The following SASH1 variants were observed in gnomAD, a reference collection of about 807,000 sequenced individuals.
SASH1 encodes the protein SAM and SH3 domain containing 1, also known as SAM and SH3 domain-containing protein 1.
SASH1 carries 44 observed loss-of-function variants against 125.2 expected under a neutral mutation model. The observed-to-expected ratio is 0.35, with a 90% CI of 0.28 to 0.45. SASH1 has a LOEUF of 0.45. Among genes scored for constraint, SASH1 ranks in the 20% least tolerant of loss-of-function variants. The probability of loss-of-function intolerance (pLI) is 1.00; values close to 1 mark genes in which losing one functional copy is unlikely to be tolerated. For synonymous variants in SASH1, 639 were observed against 649.1 expected (o/e 0.98, Z 0.24); for missense variants, 1,426 against 1,614.5 (o/e 0.88, Z 2.00).
chr6:148,514,138 C>T (rs191644578), intron 8 of SASH1, 186 bp from the exon 9 acceptor site: 19 of 1,367,636 alleles, frequency 1.4e-5, no homozygotes, highest in African/African-American at 3.0e-5. Flanking sequence ...CCTAATTCTA[C>T]GCCGATTTAG....
At chr6:148,448,161 C>T (rs1303145885) in intron 4 of SASH1, among the ~76,000 whole-genome samples, 7 of 142,086 alleles carry the variant, frequency 4.9e-5, no homozygotes, top group African/African-American at 1.9e-4. Context: ...TGCGTGCGTG[C>T]GTGCGTTGTC....
intron 1 of SASH1, among the ~76,000 whole-genome samples, chr6:148,357,234 G>C (rs1781981320): frequency 6.6e-6 from 1 of 152,108 alleles, no homozygotes; most frequent in African/African-American, 2.4e-5. Context: ...GGCATCCTTT[G>C]GCCATGTAAA....
In SASH1 at chr6:148,543,957, G is replaced by T. The variant is rs1782382722; in HGVS notation, c.2487G>T (p.Gln829His). The T allele has an allele frequency of 6.2e-7, 1 of 1,614,066 alleles. No individual in the cohort carries two copies. The highest frequency in any genetic ancestry group is 1.1e-5 in the South Asian group (1 of 91,076). ...GCTGTGAGACCCTGGAGGGCCCCCAGACTGTGGACACTTGGCCCCGATCCC... is the reference window on the plus strand; with the variant it reads ...GCTGTGAGACCCTGGAGGGCCCCCATACTGTGGACACTTGGCCCCGATCCC... Reference protein sequence around the residue: ...CRSCETLEGPQTVDTWPRSHS... With the variant: ...CRSCETLEGPHTVDTWPRSHS... Residue 829 changes from glutamine to histidine, a missense_variant, in exon 18 of 20, where the codon CAG (glutamine) becomes CAT (histidine). By Grantham distance (24) the Gln-to-His change is conservative (BLOSUM62 0). Transcript: ENST00000367467.
At chr6:148,360,544 C>T (rs1366960605) in intron 1 of SASH1, among the ~76,000 whole-genome samples, 1 of 151,806 alleles carries the variant, frequency 6.6e-6, no homozygotes, top group African/African-American at 2.4e-5. Flanking sequence ...GACAGGGTTT[C>T]ACCATTTTGG....
intron 2 of SASH1, among the ~76,000 whole-genome samples, chr6:148,391,357 G>A (rs560768192): frequency 4.0e-5 from 6 of 148,686 alleles, no homozygotes; most frequent in East Asian, 4.0e-4. Flanking sequence ...GACCACCCGC[G>A]TTGGCCTCCC....
chr6:148,498,281 T>C (rs1261907506), intron 8 of SASH1, among the ~76,000 whole-genome samples: 1 of 151,380 alleles, frequency 6.6e-6, no homozygotes, highest in Admixed American at 6.6e-5. Context: ...CATAGTAGTG[T>C]GCATCTGTAG....
At chr6:148,306,775 C>A (rs1486360340) in intron 1 of SASH1, among the ~76,000 whole-genome samples, 1 of 152,178 alleles carries the variant, frequency 6.6e-6, no homozygotes, top group East Asian at 1.9e-4. Context: ...CACCCAACAG[C>A]CCATGCAGAA....
At chr6:148,537,175 A>AAGAT (rs1054584773) in intron 16 of SASH1, among the ~76,000 whole-genome samples, 1 of 152,206 alleles carries the variant, frequency 6.6e-6, no homozygotes, top group Non-Finnish European at 1.5e-5. Flanking sequence ...GAGATCTTTG[A>AAGAT]AGATATGTAG....
At chr6:148,341,536 A>T (rs1014432827), upstream of SASH1, among the ~76,000 whole-genome samples, 2 of 152,114 alleles carry the variant, frequency 1.3e-5, no homozygotes, top group Non-Finnish European at 1.5e-5. Context: ...ATGTTTTTAC[A>T]TTTTGAACTT....
At chr6:148,515,849 G>A (rs977217301) in intron 9 of SASH1, among the ~76,000 whole-genome samples, 1 of 152,046 alleles carries the variant, frequency 6.6e-6, no homozygotes, top group Non-Finnish European at 1.5e-5. Flanking sequence ...ATGAACACTC[G>A]GCCAAAATCA....
At chr6:148,497,702 T>A (rs1272906410) in intron 8 of SASH1, among the ~76,000 whole-genome samples, 1 of 152,252 alleles carries the variant, frequency 6.6e-6, no homozygotes, top group Non-Finnish European at 1.5e-5. Context: ...GCTAGAATTG[T>A]CAGAACAAAC....
intron 2 of SASH1, among the ~76,000 whole-genome samples, chr6:148,425,498 A>G (rs985404106): frequency 2.6e-5 from 4 of 152,212 alleles, no homozygotes; most frequent in Non-Finnish European, 5.9e-5. Flanking sequence ...AGAGATCATC[A>G]TTAAACATCT....
rs1443882760 is a variant in SASH1 at position 148,487,110 on chromosome 6, CACAT to C, written c.628-502_628-499del. Among the ~76,000 whole-genome samples, 28 of 132,688 alleles carry C rather than the reference CACAT, an allele frequency of 2.1e-4. 2 individuals carry two copies. Among genetic ancestry groups the C allele is most frequent in the African/African-American group, 4.6e-4 (17 of 36,782 alleles). 87.0% of individuals were successfully genotyped at this position (132,688 alleles called of 152,430 possible). A position where few individuals can be genotyped will look rare whatever the true frequency, so the allele number is the denominator to read the frequency against. On this transcript the variant is annotated intron_variant, in intron 7 of 19. Coordinates refer to ENST00000367467, the MANE Select transcript of SASH1 (RefSeq NM_015278.5). Reference sequence around the variant, plus strand: ...ATATATATACACACACACACACACACACATATATATATATATATATGTGTATGTT... The same window carrying C: ...ATATATATACACACACACACACACACATATATATATATATATGTGTATGTT...
intron 1 of SASH1, among the ~76,000 whole-genome samples, chr6:148,305,623 CA>C (rs59521298): frequency 0.038 from 3,930 of 104,338 alleles, 101 homozygotes; most frequent in African/African-American, 0.14. Flanking sequence ...GACTCTGACT[CA>C]AAAAAAAAAA....
chr6:148,523,827 C>T (rs1780960829), intron 10 of SASH1, among the ~76,000 whole-genome samples: 1 of 152,294 alleles, frequency 6.6e-6, no homozygotes, highest in African/African-American at 2.4e-5. Flanking sequence ...ATGACTACCA[C>T]ATTCTCAGTA....
chr6:148,224,551 G>A, the SASH1 span, among the ~76,000 whole-genome samples: 1 of 152,018 alleles, frequency 6.6e-6, no homozygotes. Flanking sequence ...AGTAGAGATG[G>A]GGTTTCACCA....
the SASH1 span, among the ~76,000 whole-genome samples, chr6:148,244,148 C>T: frequency 1.3e-5 from 2 of 152,216 alleles, no homozygotes. Flanking sequence ...GCTCTCAACA[C>T]AGCACTTGAC....
At chr6:148,349,260 T>TC (rs1406709041) in intron 1 of SASH1, among the ~76,000 whole-genome samples, 2,008 of 119,860 alleles carry the variant, frequency 0.017, 68 homozygotes, top group African/African-American at 0.069. Context: ...TTCTTTTTTT[T>TC]TTTTTTTTTT....
chr6:148,220,937 A>G, the SASH1 span, among the ~76,000 whole-genome samples: 1 of 152,194 alleles, frequency 6.6e-6, no homozygotes, highest in Non-Finnish European at 1.5e-5. Context: ...AAATGTGACC[A>G]ATAGACCCCA....
Sources: gnomAD v4.1 joint callset for allele counts (sites outside exome capture counted in the v4.1 genomes callset) on GRCh38, gnomAD v4.1.1 for gene constraint, MANE v1.5 for transcripts, NCBI Gene and HGNC (gene_info 2026-07-23, HGNC 2026-07-21) for gene names.